Variants in STK32B observed in about 807,000 individuals in gnomAD.
STK32B encodes the protein serine/threonine kinase 32B.
A neutral mutation model predicts 52.6 loss-of-function variants in STK32B; 43 were observed. That is an observed-to-expected ratio of 0.82 (90% CI 0.64 to 1.05). The LOEUF (loss-of-function observed/expected upper bound fraction) is 1.05, where lower values mean the gene tolerates loss of function less well. Among genes scored for constraint, STK32B ranks in the 50% least tolerant of loss-of-function variants. The pLI is 0.00. For missense variants in STK32B, 621 were observed against 534.6 expected, an observed-to-expected ratio of 1.16 and a Z score of -1.59; for synonymous variants, 238 against 204.3, an observed-to-expected ratio of 1.17 and a Z score of -1.41.
chr4:5,211,281 C>G (rs1283870380), intron 3 of STK32B, among the ~76,000 whole-genome samples: 1 of 152,096 alleles, frequency 6.6e-6, no homozygotes, highest in African/African-American at 2.4e-5. Flanking sequence ...CCTAGGTGTG[C>G]TGTAAGAAAT....
intron 1 of STK32B, among the ~76,000 whole-genome samples, chr4:5,075,465 G>C (rs1275703949): frequency 6.6e-6 from 1 of 151,952 alleles, no homozygotes; most frequent in East Asian, 1.9e-4. Context: ...TCTTTTTGCT[G>C]TGTTTTTGAT....
chr4:5,135,641 G>A (rs972972483), intron 1 of STK32B, among the ~76,000 whole-genome samples: 1 of 152,162 alleles, frequency 6.6e-6, no homozygotes, highest in Non-Finnish European at 1.5e-5. Flanking sequence ...CTCACAGGAA[G>A]GAGTGGCTTC....
At chr4:5,335,314 A>G (rs1294480677) in intron 4 of STK32B, among the ~76,000 whole-genome samples, 2 of 152,100 alleles carry the variant, frequency 1.3e-5, no homozygotes, top group African/African-American at 2.4e-5. Flanking sequence ...CTGTGGGATC[A>G]GTGATGATAT....
chr4:5,460,199 A>G lies in STK32B; in HGVS notation c.880A>G (p.Lys294Glu). The change falls in exon 9 of 12, where the codon AAG becomes GAG. Residue 294 changes from lysine to glutamate, a missense_variant. Lys to Glu is a moderately conservative substitution (Grantham distance 56). Coordinates refer to ENST00000282908, the MANE Select transcript of STK32B (RefSeq NM_018401.3). This position sits in a 1 kb window ranked among gnomAD's most constrained non-coding sequence, Gnocchi z 4.8. ...CATGAACTGGGACGCGGTGTTCAAG[A>G]AGGCACTGATGCCCGGCTTTGTGCC... ...ADMNWDAVFKKALMPGFVPNK... is the reference protein window; with the variant it reads ...ADMNWDAVFKEALMPGFVPNK... The G allele has an allele frequency of 1.2e-6, 2 of 1,613,792 alleles. No homozygotes were observed. Among genetic ancestry groups the G allele is most frequent in the Non-Finnish European group, 1.7e-6 (2 of 1,179,862 alleles).
chr4:5,246,879 A>T (rs1023905863), intron 3 of STK32B, among the ~76,000 whole-genome samples: 1 of 152,224 alleles, frequency 6.6e-6, no homozygotes. Flanking sequence ...CGGTGGCTGC[A>T]GAACAGTGGA....
chr4:5,491,646 C>A (rs1267851803), intron 11 of STK32B, among the ~76,000 whole-genome samples: 2 of 151,978 alleles, frequency 1.3e-5, no homozygotes, highest in South Asian at 2.1e-4. Flanking sequence ...GACATGAAGT[C>A]CTTGCCCATG....
In STK32B at chr4:5,477,349, G is replaced by A. The variant is rs184855851; in HGVS notation, c.1106+9279G>A. ...TGAAAAAGCCTTAGAGTCTCTGCCT[G>A]AGACCTCTGTGTTGAATTGAATTGT... is the stretch of plus-strand genomic sequence containing the variant. On this transcript the variant is annotated intron_variant, in intron 11 of 11. Transcript: ENST00000282908. Among the ~76,000 whole-genome samples the A allele has an allele frequency of 6.0e-4, 91 of 152,194 alleles. 2 individuals are homozygous for A. Among genetic ancestry groups the A allele is most frequent in the African/African-American group, 2.1e-3 (87 of 41,512 alleles).
chr4:5,173,600 G>A (rs867267811), intron 3 of STK32B, among the ~76,000 whole-genome samples: 9 of 152,316 alleles, frequency 5.9e-5, no homozygotes, highest in African/African-American at 1.9e-4. Flanking sequence ...AAGTTTCCAT[G>A]TAGTTGAGCG....
chr4:5,350,896 T>C (rs745772440), intron 4 of STK32B, among the ~76,000 whole-genome samples: 1 of 151,846 alleles, frequency 6.6e-6, no homozygotes, highest in Non-Finnish European at 1.5e-5. Context: ...ATAAAGAAGG[T>C]CAATATATAA....
intron 6 of STK32B, among the ~76,000 whole-genome samples, chr4:5,443,060 G>A (rs1340397344): frequency 2.0e-5 from 3 of 150,626 alleles, no homozygotes; most frequent in African/African-American, 7.3e-5. Flanking sequence ...TTTCAACTTT[G>A]GTGAATCTGA....
At chr4:5,250,849 C>T (rs964071390) in intron 3 of STK32B, among the ~76,000 whole-genome samples, 5 of 152,006 alleles carry the variant, frequency 3.3e-5, no homozygotes, top group East Asian at 1.9e-4. Context: ...GCTTGTTGGT[C>T]GTGTGTATGT....
chr4:5,266,832 T>C (rs1171549330), intron 3 of STK32B, among the ~76,000 whole-genome samples: 3 of 152,306 alleles, frequency 2.0e-5, no homozygotes, highest in South Asian at 2.1e-4. Flanking sequence ...CAAAGTTAAA[T>C]GAGAGCAAGA....
chr4:5,440,429 G>C (rs1714615328), intron 6 of STK32B, among the ~76,000 whole-genome samples: 1 of 152,136 alleles, frequency 6.6e-6, no homozygotes, highest in Admixed American at 6.5e-5. Flanking sequence ...GTGTAAGAAT[G>C]CTTGTGATTT....
chr4:5,173,034 T>C (rs1719520737), intron 3 of STK32B, among the ~76,000 whole-genome samples: 1 of 152,246 alleles, frequency 6.6e-6, no homozygotes, highest in South Asian at 2.1e-4. Context: ...TGATTTAGTC[T>C]TGGGAGAGTG....
intron 2 of STK32B, among the ~76,000 whole-genome samples, chr4:5,147,739 CAACT>C (rs930222430): frequency 6.6e-6 from 1 of 151,898 alleles, no homozygotes; most frequent in African/African-American, 2.4e-5. Context: ...AATTTTAAAC[CAACT>C]GTGTATTACT....
intron 3 of STK32B, among the ~76,000 whole-genome samples, chr4:5,301,397 C>T (rs1332814052): frequency 6.6e-6 from 1 of 151,974 alleles, no homozygotes; most frequent in Non-Finnish European, 1.5e-5. Flanking sequence ...TGAGTCTGGG[C>T]TTTACTCTGT....
chr4:5,244,007 C>T (rs1384554885), intron 3 of STK32B, among the ~76,000 whole-genome samples: 2 of 151,918 alleles, frequency 1.3e-5, no homozygotes, highest in East Asian at 3.9e-4. Flanking sequence ...ATTTTTGCAT[C>T]AATGTTCATC....
the STK32B span, among the ~76,000 whole-genome samples, chr4:5,034,134 C>T: frequency 6.6e-6 from 1 of 152,238 alleles, no homozygotes; most frequent in South Asian, 2.1e-4. Flanking sequence ...ACACAGCTTT[C>T]CTAACTCCAT....
chr4:5,456,269 G>T (rs1044944574), intron 7 of STK32B, among the ~76,000 whole-genome samples: 4 of 152,262 alleles, frequency 2.6e-5, no homozygotes, highest in African/African-American at 9.6e-5. Context: ...TCACTGTAGG[G>T]AGGGGAGGAC....
Sources: gnomAD v4.1 joint callset for allele counts (sites outside exome capture counted in the v4.1 genomes callset) on GRCh38, gnomAD v4.1.1 for gene constraint, Gnocchi (gnomAD v3.1) non-coding constraint, MANE v1.5 for transcripts, NCBI Gene and HGNC (gene_info 2026-07-23, HGNC 2026-07-21) for gene names.